The following PDLIM1 variants were observed in gnomAD, a reference collection of about 807,000 sequenced individuals.
The protein encoded by PDLIM1 is PDZ and LIM domain 1.
Under a neutral mutation model 35.2 loss-of-function variants are expected in PDLIM1, and 25 were observed. The ratio of observed to expected loss-of-function variants is 0.71; its 90% CI spans 0.52 to 0.99. PDLIM1 has a LOEUF of 0.99. PDLIM1 is among the 50% of genes least tolerant of loss of function. The probability of loss-of-function intolerance (pLI) is 0.00; values close to 1 mark genes in which losing one functional copy is unlikely to be tolerated. For missense variants in PDLIM1, 363 were observed against 415.3 expected, an observed-to-expected ratio of 0.87 and a Z score of 1.09; for synonymous variants, 152 against 154.0, an observed-to-expected ratio of 0.99 and a Z score of 0.10.
chr10:95,246,569 G>A (rs1239921464), intron 5 of PDLIM1, among the ~76,000 whole-genome samples: 2 of 152,154 alleles, frequency 1.3e-5, no homozygotes, highest in African/African-American at 4.8e-5. Flanking sequence ...GATGATGGAT[G>A]TTTTACACAA....
At chr10:95,262,369 G>A (rs2035371802) in intron 4 of PDLIM1, among the ~76,000 whole-genome samples, 1 of 152,120 alleles carries the variant, frequency 6.6e-6, no homozygotes, top group African/African-American at 2.4e-5. Flanking sequence ...GATTCCAAGT[G>A]AGAAAGGTTC....
At position 95,238,060 on chromosome 10, in the gene PDLIM1, C is replaced by T. The variant is rs1372845573; in HGVS notation, c.855G>A (p.Val285=). ...TCAGGTTGGTGCCACAGTCAGTGCACACATAACACTCAGGGTGGCGGTGAC... is the reference window on the plus strand; with the variant it reads ...TCAGGTTGGTGCCACAGTCAGTGCATACATAACACTCAGGGTGGCGGTGAC... ...RDRHRHPECY[V]CTDCGTNLKQ... Residue 285 remains valine, a synonymous_variant, in exon 7 of 7, where the codon GTG becomes GTA. Transcript: ENST00000329399. 6.2e-7 allele frequency: 1 copy of T among 1,614,140 alleles called. No individual in the cohort carries two copies. Among genetic ancestry groups the T allele is most frequent in the South Asian group, 1.1e-5 (1 of 91,070 alleles).
At chr10:95,266,421 C>T (rs1171581237) in intron 3 of PDLIM1, among the ~76,000 whole-genome samples, 8 of 152,142 alleles carry the variant, frequency 5.3e-5, no homozygotes, top group Non-Finnish European at 1.2e-4. Flanking sequence ...TTCTCTCCAT[C>T]ACCATGGCAA....
chr10:95,265,149 A>G (rs1209972171), intron 3 of PDLIM1, among the ~76,000 whole-genome samples: 3 of 152,096 alleles, frequency 2.0e-5, no homozygotes, highest in African/African-American at 2.4e-5. Context: ...AGTTCCTGTC[A>G]TCTGTTGCAC....
chr10:95,281,611 A>G (rs2035562380), intron 1 of PDLIM1, among the ~76,000 whole-genome samples: 1 of 152,232 alleles, frequency 6.6e-6, no homozygotes, highest in African/African-American at 2.4e-5. Context: ...AATGTTGGTT[A>G]ACACCCCTGA....
At chr10:95,255,667 C>T (rs1175739113) in intron 4 of PDLIM1, among the ~76,000 whole-genome samples, 5 of 152,100 alleles carry the variant, frequency 3.3e-5, no homozygotes, top group Admixed American at 6.5e-5. Flanking sequence ...AAACCCACAG[C>T]TAACCTCTCA....
chr10:95,248,459 G>A (rs1407879300), intron 4 of PDLIM1, among the ~76,000 whole-genome samples: 3 of 152,148 alleles, frequency 2.0e-5, no homozygotes, highest in Non-Finnish European at 4.4e-5. Flanking sequence ...TGTTGCCCAG[G>A]CTGGTCTCAA....
intron 4 of PDLIM1, among the ~76,000 whole-genome samples, chr10:95,262,951 T>A (rs1332742025): frequency 1.3e-5 from 2 of 151,966 alleles, no homozygotes; most frequent in Non-Finnish European, 2.9e-5. Flanking sequence ...GAGACCAGCC[T>A]GGGCAACACA....
intron 6 of PDLIM1, 72 bp from the exon 7 acceptor site, chr10:95,238,183 C>A: frequency 7.2e-7 from 1 of 1,385,722 alleles, no homozygotes; most frequent in Non-Finnish European, 1.0e-6. Flanking sequence ...GCAGGTGGCA[C>A]CATCCTTCCT....
intron 1 of PDLIM1, among the ~76,000 whole-genome samples, chr10:95,274,158 G>C (rs549737118): frequency 6.6e-6 from 1 of 152,202 alleles, no homozygotes; most frequent in East Asian, 1.9e-4. Flanking sequence ...TCCAGCTACA[G>C]GGCCTCAGGA....
In PDLIM1 at chr10:95,271,675, C is replaced by T; in HGVS notation, c.206G>A (p.Arg69Lys). The T allele has an allele frequency of 6.2e-7, 1 of 1,610,808 alleles. No homozygotes were observed. Among genetic ancestry groups the T allele is most frequent in the Non-Finnish European group, 8.5e-7 (1 of 1,178,898 alleles). Residue 69 changes from arginine (R) to lysine (K), a missense_variant, in exon 2 of 7, where the codon AGA becomes AAA. Coordinates refer to ENST00000329399, the MANE Select transcript of PDLIM1 (RefSeq NM_020992.4). Reference sequence around the variant, plus strand: ...CAAGTTGTCTGTGCAGCCTTTGATTCTGTTCTGAGCTTCCAAGTGTGTCAT... The same window carrying T: ...CAAGTTGTCTGTGCAGCCTTTGATTTTGTTCTGAGCTTCCAAGTGTGTCAT... ...SNMTHLEAQN[R>K]IKGCTDNLTL...
chr10:95,269,428 C>T (rs1320922463), intron 2 of PDLIM1, among the ~76,000 whole-genome samples: 5 of 151,944 alleles, frequency 3.3e-5, no homozygotes, highest in East Asian at 1.9e-4. Flanking sequence ...AAAAATTAGC[C>T]GGGTGTGGTG....
chr10:95,282,464 T>C (rs2035568871), intron 1 of PDLIM1, among the ~76,000 whole-genome samples: 1 of 152,228 alleles, frequency 6.6e-6, no homozygotes, highest in Non-Finnish European at 1.5e-5. Flanking sequence ...TAGATGCTTG[T>C]AGATAAGTTG....
intron 3 of PDLIM1, among the ~76,000 whole-genome samples, chr10:95,267,084 G>C (rs1259958442): frequency 6.6e-6 from 1 of 152,216 alleles, no homozygotes; most frequent in Non-Finnish European, 1.5e-5. Flanking sequence ...AATGATGGGT[G>C]AGAAGTTTTT....
chr10:95,244,539 G>T (rs1180078127), intron 5 of PDLIM1, among the ~76,000 whole-genome samples: 1 of 152,212 alleles, frequency 6.6e-6, no homozygotes, highest in African/African-American at 2.4e-5. Context: ...AGGCGTTTCT[G>T]AATGACAGGA....
At chr10:95,253,075 T>C (rs1042058386) in intron 4 of PDLIM1, among the ~76,000 whole-genome samples, 2 of 151,930 alleles carry the variant, frequency 1.3e-5, no homozygotes, top group African/African-American at 4.8e-5. Flanking sequence ...CCAAAACATA[T>C]CATAGTAAAT....
At chr10:95,286,912 G>A (rs1306496178) in intron 1 of PDLIM1, among the ~76,000 whole-genome samples, 2 of 152,118 alleles carry the variant, frequency 1.3e-5, no homozygotes, top group African/African-American at 2.4e-5. Flanking sequence ...CCCAGTCCTG[G>A]TCAGCCTAGG....
intron 6 of PDLIM1, 31 bp from the exon 7 acceptor site, chr10:95,238,142 T>G (rs2035143105): frequency 6.2e-7 from 1 of 1,600,766 alleles, no homozygotes; most frequent in Non-Finnish European, 8.5e-7. Flanking sequence ...AGGGACTCCA[T>G]CAGTGACAAG....
At chr10:95,259,026 G>C (rs2035339443) in intron 4 of PDLIM1, among the ~76,000 whole-genome samples, 1 of 152,186 alleles carries the variant, frequency 6.6e-6, no homozygotes, top group African/African-American at 2.4e-5. Flanking sequence ...TAAGTTGCCA[G>C]GGGTTAAGGA....
Sources: allele counts gnomAD v4.1 joint callset (sites outside exome capture counted in the v4.1 genomes callset), GRCh38; gene constraint gnomAD v4.1.1; transcripts MANE v1.5; gene names NCBI Gene and HGNC (gene_info 2026-07-23, HGNC 2026-07-21).